TENM3: variants seen among roughly 807,000 people sequenced by gnomAD.
TENM3 encodes teneurin transmembrane protein 3, also known as teneurin-3.
A neutral mutation model predicts 255.1 loss-of-function variants in TENM3; 63 were observed. The observed-to-expected ratio is 0.25, with a 90% CI of 0.20 to 0.30. TENM3 has a LOEUF of 0.30. Among genes scored for constraint, TENM3 ranks in the 10% least tolerant of loss-of-function variants. TENM3 has a pLI of 1.00. For synonymous variants in TENM3, 1,306 were observed against 1,322.3 expected (o/e 0.99, Z 0.27); for missense variants, 2,929 against 3,461.1 (o/e 0.85, Z 3.86).
intron 3 of TENM3, among the ~76,000 whole-genome samples, chr4:182,584,002 T>G (rs1348689159): frequency 2.0e-5 from 3 of 152,226 alleles, no homozygotes; most frequent in African/African-American, 7.2e-5. Flanking sequence ...AATAGATGAT[T>G]TTTTATTGAT....
At chr4:182,497,464 G>A (rs997030396) in intron 3 of TENM3, among the ~76,000 whole-genome samples, 1 of 152,156 alleles carries the variant, frequency 6.6e-6, no homozygotes, top group African/African-American at 2.4e-5. Flanking sequence ...TTTAAGTATA[G>A]TGTGTCTTTT....
At chr4:181,449,060 T>C in the TENM3 span, among the ~76,000 whole-genome samples, 5 of 152,314 alleles carry the variant, frequency 3.3e-5, no homozygotes, top group South Asian at 1.0e-3. Context: ...ACAGGTGTTA[T>C]TGGAATGGAA....
At chr4:182,029,746 C>T in the TENM3 span, among the ~76,000 whole-genome samples, 3 of 151,858 alleles carry the variant, frequency 2.0e-5, no homozygotes. Context: ...TTGTATTATC[C>T]TTGTATTCAT....
chr4:182,175,302 TA>T (rs200201122), intron 1 of TENM3, among the ~76,000 whole-genome samples: 9,179 of 120,470 alleles, frequency 0.076, 531 homozygotes, highest in East Asian at 0.24. Context: ...TCTGCTTCAT[TA>T]AAAAAAAAAA....
intron 3 of TENM3, among the ~76,000 whole-genome samples, chr4:182,485,942 A>G (rs72701930): frequency 0.04 from 6,013 of 152,206 alleles, 170 homozygotes; most frequent in Non-Finnish European, 0.058. Context: ...AGGGGATTCT[A>G]TAGAGACCTA....
At chr4:181,627,401 A>G in the TENM3 span, among the ~76,000 whole-genome samples, 18 of 152,166 alleles carry the variant, frequency 1.2e-4, no homozygotes, top group Admixed American at 2.6e-4. Flanking sequence ...TTTGTTACAT[A>G]TGTATACGTG....
chr4:181,869,107 T>TA, the TENM3 span, among the ~76,000 whole-genome samples: 1 of 152,132 alleles, frequency 6.6e-6, no homozygotes, highest in African/African-American at 2.4e-5. Flanking sequence ...TTTCCTTTCA[T>TA]AAAAAATAAT....
intron 1 of TENM3, among the ~76,000 whole-genome samples, chr4:182,282,817 C>T (rs1480521574): frequency 6.7e-6 from 1 of 150,030 alleles, no homozygotes; most frequent in Non-Finnish European, 1.5e-5. Context: ...TGCTTGAACC[C>T]AGGAGACAAA....
intron 3 of TENM3, among the ~76,000 whole-genome samples, chr4:182,438,605 T>G (rs1772221496): frequency 6.6e-6 from 1 of 152,154 alleles, no homozygotes; most frequent in South Asian, 2.1e-4. Context: ...GAAGGTAAAT[T>G]TGCCCAACAA....
At chr4:181,527,493 C>G in the TENM3 span, among the ~76,000 whole-genome samples, 1 of 152,048 alleles carries the variant, frequency 6.6e-6, no homozygotes, top group African/African-American at 2.4e-5. Flanking sequence ...CTCAGCCTCC[C>G]AAGCAGCAGG....
the TENM3 span, among the ~76,000 whole-genome samples, chr4:181,732,544 C>A: frequency 2.7e-4 from 41 of 152,068 alleles, 1 homozygote; most frequent in African/African-American, 9.2e-4. Context: ...CAGGTAGGGC[C>A]GTAGTTACAC....
chr4:182,735,380 A>G (rs1761084244), intron 16 of TENM3, among the ~76,000 whole-genome samples: 1 of 152,132 alleles, frequency 6.6e-6, no homozygotes, highest in African/African-American at 2.4e-5. Flanking sequence ...GCTGCTTCCA[A>G]CTGTGTGATT....
chr4:182,256,059 C>T (rs1454588796), intron 1 of TENM3, among the ~76,000 whole-genome samples: 1 of 152,180 alleles, frequency 6.6e-6, no homozygotes, highest in Non-Finnish European at 1.5e-5. Context: ...GCCAAGGGCC[C>T]TGCCCACTCT....
chr4:181,592,600 CGAAGT>C, the TENM3 span, among the ~76,000 whole-genome samples: 6 of 150,558 alleles, frequency 4.0e-5, no homozygotes, highest in East Asian at 1.2e-3. Context: ...GCTAAAAGAA[CGAAGT>C]AAAACTTTTG....
At chr4:182,235,374 C>G (rs1756831089) in intron 1 of TENM3, among the ~76,000 whole-genome samples, 1 of 152,196 alleles carries the variant, frequency 6.6e-6, no homozygotes, top group Non-Finnish European at 1.5e-5. Context: ...CAGCAAAAAT[C>G]TACCTTCCCA....
At chr4:181,906,041 C>G in the TENM3 span, 1 of 433,284 alleles carries the variant, frequency 2.3e-6, no homozygotes, top group East Asian at 6.1e-5. Context: ...AAGTTCTGTT[C>G]TCTCTCAACA....
intron 1 of TENM3, among the ~76,000 whole-genome samples, chr4:182,243,918 C>T (rs1407189630): frequency 4.2e-5 from 6 of 143,740 alleles, no homozygotes; most frequent in Non-Finnish European, 6.0e-5. Flanking sequence ...CTGATAGACT[C>T]TTCCAAGAAT....
At chr4:181,590,867 G>A in the TENM3 span, among the ~76,000 whole-genome samples, 53 of 152,286 alleles carry the variant, frequency 3.5e-4, no homozygotes, top group African/African-American at 1.3e-3. Context: ...ATTTTATTAT[G>A]AAGAAATAGT....
In TENM3 at chr4:182,390,635, C is replaced by T. The variant is rs572451153; in HGVS notation, c.511+43706C>T. 8.5e-5 allele frequency among the ~76,000 whole-genome samples: 13 copies of T among 152,322 alleles called. No homozygotes were observed. In the East Asian group the frequency reaches 2.3e-3, roughly 27 times the overall value. On this transcript the variant is annotated intron_variant, in intron 3 of 27. Coordinates refer to ENST00000511685, the MANE Select transcript of TENM3 (RefSeq NM_001080477.4). ...GTCTGTGTGCTGTGCTGATGTGGCA[C>T]TACTGACACTCTCCTACCGCAGTGC... is the stretch of plus-strand genomic sequence containing the variant.
Sources: allele counts gnomAD v4.1 joint callset (sites outside exome capture counted in the v4.1 genomes callset), GRCh38; gene constraint gnomAD v4.1.1; transcripts MANE v1.5; gene names NCBI Gene and HGNC (gene_info 2026-07-23, HGNC 2026-07-21).